TMEM132C: variants seen among roughly 807,000 people sequenced by gnomAD.
TMEM132C encodes the protein transmembrane protein 132C.
Under a neutral mutation model 61.4 loss-of-function variants are expected in TMEM132C, and 29 were observed. That is an observed-to-expected ratio of 0.47 (90% CI 0.35 to 0.64). TMEM132C has a LOEUF of 0.64. TMEM132C is among the 30% of genes least tolerant of loss of function. The pLI is 0.00. For synonymous variants in TMEM132C, 656 were observed against 633.1 expected (o/e 1.04, Z -0.54); for missense variants, 1,408 against 1,476.9 (o/e 0.95, Z 0.76).
intron 2 of TMEM132C, among the ~76,000 whole-genome samples, chr12:128,489,119 C>G (rs116213134): frequency 0.013 from 1,989 of 152,238 alleles, 47 homozygotes; most frequent in African/African-American, 0.045. Context: ...CGGCAGGTGC[C>G]TCTGTCTCCG....
chr12:128,301,900 A>G (rs779738850), intron 1 of TMEM132C, among the ~76,000 whole-genome samples: 2 of 152,218 alleles, frequency 1.3e-5, no homozygotes, highest in African/African-American at 2.4e-5. Context: ...CACATCTTAC[A>G]TGGTGGCAGA....
chr12:128,573,671 A>G (rs192194340), intron 3 of TMEM132C, among the ~76,000 whole-genome samples: 3 of 152,116 alleles, frequency 2.0e-5, no homozygotes, highest in Admixed American at 2.0e-4. Flanking sequence ...TGGGACAGAA[A>G]GTAGAATGGT....
intron 2 of TMEM132C, among the ~76,000 whole-genome samples, chr12:128,527,707 ATGTGTGTGTG>A (rs5801799): frequency 2.0e-5 from 3 of 147,100 alleles, no homozygotes; most frequent in Non-Finnish European, 3.0e-5. Context: ...ATGTGCATGT[ATGTGTGTGTG>A]TGTGTGTGTG....
intron 1 of TMEM132C, among the ~76,000 whole-genome samples, chr12:128,276,806 A>G (rs550702628): frequency 1.3e-5 from 2 of 152,268 alleles, no homozygotes; most frequent in South Asian, 4.1e-4. Context: ...TGAGGCAACA[A>G]GGGATTCTTA....
chr12:128,465,986 A>G (rs1366762769), intron 2 of TMEM132C, among the ~76,000 whole-genome samples: 1 of 152,218 alleles, frequency 6.6e-6, no homozygotes, highest in Non-Finnish European at 1.5e-5. Flanking sequence ...AAAAGACTCC[A>G]GAGTAAAGAT....
intron 3 of TMEM132C, among the ~76,000 whole-genome samples, chr12:128,546,900 C>T (rs997723629): frequency 6.6e-6 from 1 of 152,186 alleles, no homozygotes; most frequent in Non-Finnish European, 1.5e-5. Flanking sequence ...GACAAATTGG[C>T]CTGCCTCTGT....
intron 2 of TMEM132C, among the ~76,000 whole-genome samples, chr12:128,451,361 TG>T (rs1424432317): frequency 6.6e-6 from 1 of 152,200 alleles, no homozygotes; most frequent in Non-Finnish European, 1.5e-5. Flanking sequence ...CAGCTAAAAA[TG>T]TGCCTTTGAT....
intron 2 of TMEM132C, among the ~76,000 whole-genome samples, chr12:128,428,124 C>T (rs1226550054): frequency 2.0e-5 from 3 of 152,184 alleles, no homozygotes; most frequent in Non-Finnish European, 4.4e-5. Context: ...CCATGCAATC[C>T]TCTCAACAAC....
At chr12:128,340,629 C>T (rs994699847) in intron 1 of TMEM132C, among the ~76,000 whole-genome samples, 7 of 152,148 alleles carry the variant, frequency 4.6e-5, no homozygotes, top group African/African-American at 1.7e-4. Context: ...TCTGCAAGGA[C>T]AAGATGAAAT....
intron 2 of TMEM132C, among the ~76,000 whole-genome samples, chr12:128,510,977 G>A (rs1443003300): frequency 2.0e-5 from 3 of 152,220 alleles, no homozygotes; most frequent in South Asian, 2.1e-4. Context: ...CATTTCTCCT[G>A]GCTGATAGCT....
intron 4 of TMEM132C, among the ~76,000 whole-genome samples, chr12:128,639,753 A>G (rs78695291): frequency 6.6e-6 from 1 of 152,010 alleles, no homozygotes; most frequent in African/African-American, 2.4e-5. Flanking sequence ...GGGATGTGGG[A>G]CTCCCAGTTT....
intron 3 of TMEM132C, among the ~76,000 whole-genome samples, chr12:128,566,043 C>A (rs774942783): frequency 5.0e-4 from 76 of 152,160 alleles, no homozygotes; most frequent in Admixed American, 2.3e-3. Context: ...GCGTGTGCCA[C>A]CATGCCCAGA....
intron 3 of TMEM132C, among the ~76,000 whole-genome samples, chr12:128,548,190 C>T (rs765839352): frequency 3.5e-4 from 54 of 152,310 alleles, no homozygotes; most frequent in Middle Eastern, 6.8e-3. Flanking sequence ...CCAAGGGCCC[C>T]CCAATCCCTA....
At chr12:128,481,326 A>G (rs886723478) in intron 2 of TMEM132C, among the ~76,000 whole-genome samples, 2 of 151,870 alleles carry the variant, frequency 1.3e-5, no homozygotes, top group Non-Finnish European at 2.9e-5. Context: ...GCACTGGAGG[A>G]TCGTGAAGTG....
chr12:128,319,645 G>C (rs1291761194), intron 1 of TMEM132C, among the ~76,000 whole-genome samples: 1 of 152,068 alleles, frequency 6.6e-6, no homozygotes, highest in African/African-American at 2.4e-5. Context: ...GGCCAATATG[G>C]TGAAACCCCA....
intron 4 of TMEM132C, among the ~76,000 whole-genome samples, chr12:128,636,429 T>C (rs2135596545): frequency 6.6e-6 from 1 of 152,290 alleles, no homozygotes; most frequent in Non-Finnish European, 1.5e-5. Flanking sequence ...ATGTACACAA[T>C]TTCATCAATT....
At chr12:128,664,846 CATAA>C (rs1274042576) in intron 4 of TMEM132C, among the ~76,000 whole-genome samples, 3 of 152,322 alleles carry the variant, frequency 2.0e-5, no homozygotes, top group African/African-American at 7.2e-5. Context: ...ATTGTATACA[CATAA>C]ATAGTGTGCT....
chr12:128,330,674 C>T (rs1872645545), intron 1 of TMEM132C, among the ~76,000 whole-genome samples: 2 of 152,110 alleles, frequency 1.3e-5, no homozygotes, highest in South Asian at 2.1e-4. Flanking sequence ...AACTCTTTTC[C>T]CTTCATTTTG....
intron 2 of TMEM132C, among the ~76,000 whole-genome samples, chr12:128,517,233 C>CAAATAAATAAATAAATAAATAAAT (rs59000862): frequency 7.0e-6 from 1 of 142,680 alleles, no homozygotes; most frequent in Non-Finnish European, 1.5e-5. Flanking sequence ...TCCGTCTCAA[C>CAAATAAATAAATAAATAAATAAAT]AAATAAATAA....
Sources: gnomAD v4.1 joint callset for allele counts (sites outside exome capture counted in the v4.1 genomes callset) on GRCh38, gnomAD v4.1.1 for gene constraint, MANE v1.5 for transcripts, NCBI Gene and HGNC (gene_info 2026-07-23, HGNC 2026-07-21) for gene names.